SVEP1: variants seen among roughly 807,000 people sequenced by gnomAD.
The protein encoded by SVEP1 is sushi, von Willebrand factor type A, EGF and pentraxin domain-containing protein 1.
Under a neutral mutation model 367.3 loss-of-function variants are expected in SVEP1, and 164 were observed. The observed-to-expected ratio is 0.45, with a 90% CI of 0.39 to 0.51. SVEP1 has a LOEUF of 0.51. Among genes scored for constraint, SVEP1 ranks in the 20% least tolerant of loss-of-function variants. The probability of loss-of-function intolerance (pLI) is 0.00; values close to 1 mark genes in which losing one functional copy is unlikely to be tolerated. For synonymous variants in SVEP1, 1,666 were observed against 1,611.6 expected, an observed-to-expected ratio of 1.03 and a Z score of -0.81; for missense variants, 4,117 against 4,425.3, an observed-to-expected ratio of 0.93 and a Z score of 1.98.
Position 110,434,498 on chromosome 9 carries a change from G to T in SVEP1, c.4897C>A (p.Arg1633Ser). Residue 1633 changes from arginine (R) to serine (S), a missense_variant, in exon 30 of 48, where the codon CGC (arginine) becomes AGC (serine). Physicochemically the swap from Arg to Ser is moderately radical, Grantham distance 110 (BLOSUM62 -1). Around this residue, in one of 4 missense-constraint regions of SVEP1, gnomAD observed 2,174 missense variants for 2,494.3 expected, o/e 0.87. Coordinates refer to ENST00000374469, the MANE Select transcript of SVEP1 (RefSeq NM_153366.4). ...SKSIFCSDCP[R>S]LGGSVPHLRT... The stretch of plus-strand genomic sequence containing the variant: ...AGATGAGGCACTGACCCTCCTAAGC[G>T]TGGGCAATCTGAGGGCAAAGAACAC... 6.2e-7 allele frequency: 1 copy of T among 1,612,778 alleles called. No homozygotes were observed. Among genetic ancestry groups the T allele is most frequent in the Non-Finnish European group, 8.5e-7 (1 of 1,179,556 alleles).
rs1564148578 is a variant in SVEP1 at position 110,458,264 on chromosome 9, C to A, written c.3576+207G>T. 1.9e-5 allele frequency: 12 copies of A among 617,734 alleles called. No homozygotes were observed. The East Asian group carries it at 2.9e-4, about 15-fold the overall frequency. 38.3% of individuals were successfully genotyped at this position (617,734 alleles called of 1,614,324 possible). A position where few individuals can be genotyped will look rare whatever the true frequency, so the allele number is the denominator to read the frequency against. On this transcript the variant is annotated intron_variant, in intron 20 of 47. Transcript: ENST00000374469. ...GCCAGGCATTTCTGGGAAAAACTCT[C>A]ATTTTTGGTACTTAGAACATCTAAT...
intron 43 of SVEP1, among the ~76,000 whole-genome samples, chr9:110,382,981 G>C (rs568220300): frequency 6.6e-6 from 1 of 152,072 alleles, no homozygotes; most frequent in Admixed American, 6.6e-5. Flanking sequence ...GGTTCTTGGC[G>C]TCTTTGCATT....
intron 43 of SVEP1, 39 bp downstream of exon 43, chr9:110,385,859 G>T: frequency 6.3e-7 from 1 of 1,587,652 alleles, no homozygotes. Context: ...AAAACATTTC[G>T]CACTAGCGGC....
At position 110,479,904 on chromosome 9, in the gene SVEP1, T is replaced by C. The variant is rs1829159856; in HGVS notation, c.2366-148A>G. On this transcript the variant is annotated intron_variant, in intron 12 of 47. Coordinates refer to ENST00000374469, the MANE Select transcript of SVEP1 (RefSeq NM_153366.4). ...ACAAGAGATGACAGTTAAGGAGAGT[T>C]TCTAGGCATTAAATGATCATAATAA... The C allele has an allele frequency of 3.6e-6, 4 of 1,114,242 alleles. No individual in the cohort carries two copies. The South Asian group carries it at 6.2e-5, about 17-fold the overall frequency. The allele number at this position is 1,114,242 out of a possible 1,614,324, so 69.0% of individuals were successfully genotyped here.
rs1827337686 is a variant in SVEP1 at position 110,375,476 on chromosome 9, A to G, written c.10505-13T>C. On this transcript the variant is annotated splice_polypyrimidine_tract_variant and intron_variant, in intron 45 of 47. Transcript: ENST00000374469. Reference sequence around the variant, plus strand: ...AGAATGCAGATTGCTAAAAAAAAAAAAAAAAAAAAAAAAAGGAGGCAGGGG... The same window carrying G: ...AGAATGCAGATTGCTAAAAAAAAAAGAAAAAAAAAAAAAAGGAGGCAGGGG... The G allele has an allele frequency of 6.6e-7, 1 of 1,513,818 alleles. No individual in the cohort carries two copies. The highest frequency in any genetic ancestry group is 8.9e-7 in the Non-Finnish European group (1 of 1,128,102). The allele number at this position is 1,513,818 out of a possible 1,614,324, so 93.8% of individuals were successfully genotyped here. A position where few individuals can be genotyped will look rare whatever the true frequency, so the allele number is the denominator to read the frequency against.
rs780277159 is a variant in SVEP1 at position 110,407,021 on chromosome 9, T to C, written c.8579A>G (p.Asn2860Ser). The C allele has an allele frequency of 8.1e-6, 13 of 1,613,816 alleles. No individual in the cohort carries two copies. The highest frequency in any genetic ancestry group is 5.0e-5 in the Admixed American group (3 of 59,996). ...TFQKEIEYTC[N>S]EGFLLEGARS... ...GGCTCCCTCAAGCAAGAACCCTTCATTGCAAGTGTATTCAATCTCTTTTTG... is the reference window on the plus strand; with the variant it reads ...GGCTCCCTCAAGCAAGAACCCTTCACTGCAAGTGTATTCAATCTCTTTTTG... Residue 2860 changes from asparagine (N) to serine (S), a missense_variant, in exon 38 of 48, where the codon AAT becomes AGT. Around this residue, in one of 4 missense-constraint regions of SVEP1, gnomAD observed 1,765 missense variants for 1,781.1 expected, o/e 0.99. Coordinates refer to ENST00000374469, the MANE Select transcript of SVEP1 (RefSeq NM_153366.4).
chr9:110,417,308 C>T (rs867368338), intron 36 of SVEP1, among the ~76,000 whole-genome samples: 6 of 134,382 alleles, frequency 4.5e-5, no homozygotes, highest in Admixed American at 1.5e-4. Flanking sequence ...ACCTGGGAAG[C>T]GCAAGGGGTC....
At chr9:110,428,742 T>TTATAAATTTG (rs1828300413) in intron 35 of SVEP1, among the ~76,000 whole-genome samples, 1 of 150,612 alleles carries the variant, frequency 6.6e-6, no homozygotes, top group Admixed American at 6.7e-5. Context: ...ATAAATTTGT[T>TTATAAATTTG]TTTAGAGTCA....
rs907276470 is a variant in SVEP1 at position 110,401,360 on chromosome 9, T to C, written c.9667-351A>G. ...ACAAATATTCTATAACTTACACTAA[T>C]GCACTCTTAAATTTCAAGATTCTAT... On this transcript the variant is annotated intron_variant, in intron 39 of 47. Transcript: ENST00000374469. Among the ~76,000 whole-genome samples the C allele has an allele frequency of 1.2e-3, 188 of 152,042 alleles. 1 individual carries two copies. Among genetic ancestry groups the C allele is most frequent in the Non-Finnish European group, 4.1e-4 (28 of 68,008 alleles).
chr9:110,496,447 A>T (rs1829447768), intron 8 of SVEP1, among the ~76,000 whole-genome samples: 1 of 151,854 alleles, frequency 6.6e-6, no homozygotes, highest in African/African-American at 2.4e-5. Context: ...TGAACATCAG[A>T]CTCCAAGTTC....
chr9:110,404,515 T>C lies in SVEP1; in HGVS notation c.9478A>G (p.Thr3160Ala). ...EGYTMDTDTD[T>A]FTCQKDGRWF... is the part of the protein sequence containing the mutation. ...CGACCATCTTTCTGACAGGTGAATG[T>C]ATCTGTATCTGTATCCATCGTATAA... is the stretch of plus-strand genomic sequence containing the variant. Residue 3160 changes from threonine to alanine, a missense_variant, in exon 39 of 48, where the codon ACA becomes GCA. Coordinates refer to ENST00000374469, the MANE Select transcript of SVEP1 (RefSeq NM_153366.4). 1.2e-6 allele frequency: 2 copies of C among 1,613,066 alleles called. No homozygotes were observed. Among genetic ancestry groups the C allele is most frequent in the South Asian group, 1.1e-5 (1 of 91,036 alleles).
intron 5 of SVEP1, among the ~76,000 whole-genome samples, chr9:110,507,321 C>T (rs1339676816): frequency 1.3e-5 from 2 of 152,288 alleles, no homozygotes; most frequent in South Asian, 2.1e-4. Flanking sequence ...ACCATGCATA[C>T]ATTTAGTTAC....
intron 37 of SVEP1, among the ~76,000 whole-genome samples, chr9:110,409,604 A>G (rs1828014186): frequency 6.6e-6 from 1 of 152,216 alleles, no homozygotes; most frequent in South Asian, 2.1e-4. Flanking sequence ...TTTCTGCCCA[A>G]AGAAATGCTA....
At chr9:110,555,721 A>T (rs1454048144) in intron 1 of SVEP1, among the ~76,000 whole-genome samples, 1 of 152,208 alleles carries the variant, frequency 6.6e-6, no homozygotes, top group South Asian at 2.1e-4. Flanking sequence ...TAGCAGGACT[A>T]GTAGTCCAAG....
chr9:110,446,158 G>A (rs1393103044), intron 25 of SVEP1, 120 bp from the exon 26 acceptor site: 5 of 863,780 alleles, frequency 5.8e-6, no homozygotes, highest in Non-Finnish European at 8.8e-6. Context: ...CTAAGAAGCA[G>A]TTTCAAAATT....
At chr9:110,456,186 G>T (rs577233922) in intron 21 of SVEP1, among the ~76,000 whole-genome samples, 8 of 152,038 alleles carry the variant, frequency 5.3e-5, no homozygotes, top group Non-Finnish European at 1.0e-4. Context: ...CTTTCTCAGG[G>T]TCCTCCTCAC....
chr9:110,485,008 T>C (rs890004699), intron 9 of SVEP1, among the ~76,000 whole-genome samples: 1 of 152,240 alleles, frequency 6.6e-6, no homozygotes, highest in African/African-American at 2.4e-5. Flanking sequence ...AGTTCAACCG[T>C]TGTGGATGAC....
At chr9:110,400,281 G>A (rs1001927254) in intron 40 of SVEP1, among the ~76,000 whole-genome samples, 1 of 152,174 alleles carries the variant, frequency 6.6e-6, no homozygotes, top group Admixed American at 6.5e-5. Flanking sequence ...ATGGTCAGTT[G>A]AAGTCACAGC....
At chr9:110,397,452 C>G (rs1163531775) in intron 40 of SVEP1, among the ~76,000 whole-genome samples, 3 of 152,148 alleles carry the variant, frequency 2.0e-5, no homozygotes, top group Non-Finnish European at 2.9e-5. Context: ...GATGCCCTCT[C>G]TCACCACTCC....
Sources: gnomAD v4.1 joint callset for allele counts (sites outside exome capture counted in the v4.1 genomes callset) on GRCh38, gnomAD v4.1.1 for gene constraint, gnomAD v4.1.1 regional missense constraint, MANE v1.5 for transcripts, NCBI Gene and HGNC (gene_info 2026-07-23, HGNC 2026-07-21) for gene names.